The following NFATC1 variants were observed in gnomAD, a reference collection of about 807,000 sequenced individuals.
NFATC1 encodes nuclear factor of activated T cells 1.
NFATC1 carries 22 observed loss-of-function variants against 76.0 expected under a neutral mutation model. The ratio of observed to expected loss-of-function variants is 0.29; its 90% confidence interval spans 0.21 to 0.41. NFATC1 has a LOEUF of 0.41. NFATC1 is among the 10% of genes least tolerant of loss of function. The pLI is 1.00. For missense variants in NFATC1, 1,357 were observed against 1,337.7 expected, an observed-to-expected ratio of 1.01 and a Z score of -0.23; for synonymous variants, 704 against 613.1, an observed-to-expected ratio of 1.15 and a Z score of -2.19.
chr18:79,451,416 G>A (rs544237197), intron 5 of NFATC1, among the ~76,000 whole-genome samples: 3 of 152,384 alleles, frequency 2.0e-5, no homozygotes, highest in East Asian at 3.9e-4. Context: ...GTATTTGTGC[G>A]ATGACTGTGA....
At chr18:79,425,452 G>A (rs1039705453) in intron 2 of NFATC1, among the ~76,000 whole-genome samples, 8 of 152,200 alleles carry the variant, frequency 5.3e-5, no homozygotes, top group Non-Finnish European at 1.5e-5. Flanking sequence ...TGGCCCTGCC[G>A]AGTTCAGAGT....
At chr18:79,433,476 G>A (rs1021765573) in intron 2 of NFATC1, 103 bp from the exon 3 acceptor site, 62 of 1,373,296 alleles carry the variant, frequency 4.5e-5, no homozygotes, top group Non-Finnish European at 5.8e-5. Context: ...TGCACTCGCC[G>A]ATGAAGTGTC....
intron 7 of NFATC1, among the ~76,000 whole-genome samples, chr18:79,463,384 C>T (rs762302919): frequency 6.6e-5 from 10 of 152,260 alleles, no homozygotes; most frequent in South Asian, 4.1e-4. Flanking sequence ...GTCCTGGGAA[C>T]GGCCAGCCAC....
At chr18:79,409,097 TCATC>T (rs1288139115) in intron 1 of NFATC1, among the ~76,000 whole-genome samples, 1 of 89,554 alleles carries the variant, frequency 1.1e-5, no homozygotes, top group African/African-American at 3.0e-5. Flanking sequence ...CCATCCATCA[TCATC>T]CATCCATCCA....
rs2090805464 is a variant in NFATC1 at position 79,527,646 on chromosome 18, TA to T, written c.*72del. 1 of 1,394,808 alleles carries T rather than the reference TA, an allele frequency of 7.2e-7. No individual in the cohort carries two copies. The highest frequency in any genetic ancestry group is 1.2e-5 in the South Asian group (1 of 86,064). The allele number at this position is 1,394,808 out of a possible 1,614,324, so 86.4% of individuals were successfully genotyped here. A position where few individuals can be genotyped will look rare whatever the true frequency, so the allele number is the denominator to read the frequency against. On this transcript the variant is annotated 3_prime_UTR_variant, in exon 10 of 10. Coordinates refer to ENST00000427363, the MANE Select transcript of NFATC1 (RefSeq NM_001278669.2). ...CAGCAGACAAAGACTTTTGAATAAATAAACTGAACTCACACCTGGTACCACT... is the reference window on the plus strand; with the variant it reads ...CAGCAGACAAAGACTTTTGAATAAATAACTGAACTCACACCTGGTACCACT...
At chr18:79,433,459 C>A in intron 2 of NFATC1, 120 bp from the exon 3 acceptor site, 2 of 1,185,712 alleles carry the variant, frequency 1.7e-6, no homozygotes, top group South Asian at 1.3e-5. Flanking sequence ...ATCTCCATGT[C>A]AGGACGTGCA....
At chr18:79,479,551 T>C (rs957546493) in intron 8 of NFATC1, among the ~76,000 whole-genome samples, 1 of 152,256 alleles carries the variant, frequency 6.6e-6, no homozygotes, top group African/African-American at 2.4e-5. Context: ...GTGTTTAAGC[T>C]TCTTAGATGC....
chr18:79,489,499 G>GT (rs2089614533), intron 9 of NFATC1, among the ~76,000 whole-genome samples: 1 of 152,216 alleles, frequency 6.6e-6, no homozygotes, highest in African/African-American at 2.4e-5. Flanking sequence ...TTTTAAGAAA[G>GT]TTTGTTTCCC....
At chr18:79,520,720 G>T (rs1168260561) in intron 9 of NFATC1, among the ~76,000 whole-genome samples, 1 of 74,098 alleles carries the variant, frequency 1.3e-5, no homozygotes, top group Non-Finnish European at 2.6e-5. Context: ...TGTGTGGGGG[G>T]GGGGCATCCA....
At chr18:79,426,316 A>C (rs2086330809) in intron 2 of NFATC1, among the ~76,000 whole-genome samples, 1 of 147,958 alleles carries the variant, frequency 6.8e-6, no homozygotes, top group African/African-American at 2.5e-5. Context: ...AAAATCCCTC[A>C]CGCCCTTCCC....
chr18:79,511,748 G>GA (rs2090259524), intron 9 of NFATC1, among the ~76,000 whole-genome samples: 1 of 152,104 alleles, frequency 6.6e-6, no homozygotes, highest in Admixed American at 6.5e-5. Context: ...GAGGCTCTCA[G>GA]TGGGGGGCCA....
chr18:79,514,682 A>G (rs557411879), intron 9 of NFATC1, among the ~76,000 whole-genome samples: 9 of 151,952 alleles, frequency 5.9e-5, no homozygotes, highest in Non-Finnish European at 1.2e-4. Flanking sequence ...CCACAGTGCA[A>G]CTTTCACACC....
At chr18:79,481,754 A>ATG (rs2089278702) in intron 8 of NFATC1, among the ~76,000 whole-genome samples, 1 of 150,652 alleles carries the variant, frequency 6.6e-6, no homozygotes, top group African/African-American at 2.5e-5. Context: ...ACTGAATGTG[A>ATG]CGTCTGGGGT....
chr18:79,410,660 T>C lies in NFATC1; in HGVS notation c.385T>C (p.Tyr129His). ...CGAGATAACCTCGTGCTTGGGCCTGTACCACAACAATAACCAGTTTTTCCA... is the reference window on the plus strand; with the variant it reads ...CGAGATAACCTCGTGCTTGGGCCTGCACCACAACAATAACCAGTTTTTCCA... ...RIEITSCLGL[Y>H]HNNNQFFHDV... Residue 129 changes from tyrosine (Y) to histidine (H), a missense_variant, in exon 2 of 10, where the codon TAC becomes CAC. Tyr to His is a moderately conservative substitution (Grantham distance 83, BLOSUM62 2). Transcript: ENST00000427363. This position sits in a 1 kb window ranked among gnomAD's most constrained non-coding sequence, Gnocchi z 6.7. 1 of 1,613,212 alleles carries C rather than the reference T, an allele frequency of 6.2e-7. No individual in the cohort carries two copies. The highest frequency in any genetic ancestry group is 8.5e-7 in the Non-Finnish European group (1 of 1,180,022).
chr18:79,402,286 T>C, intron 1 of NFATC1: 2 of 975,254 alleles, frequency 2.1e-6, no homozygotes, highest in South Asian at 9.5e-5. Flanking sequence ...TACACCATTT[T>C]GAGGTGGGCG....
chr18:79,513,878 C>T (rs2145185110), intron 9 of NFATC1, among the ~76,000 whole-genome samples: 1 of 152,304 alleles, frequency 6.6e-6, no homozygotes, highest in East Asian at 1.9e-4. Context: ...CCAGGACGGG[C>T]CACTGTGGAG....
At chr18:79,490,925 C>G (rs79447992) in intron 9 of NFATC1, among the ~76,000 whole-genome samples, 10,405 of 152,176 alleles carry the variant, frequency 0.068, 501 homozygotes, top group Admixed American at 0.1. Context: ...GAAAGCCTCA[C>G]GCAGGCTGAA....
chr18:79,436,741 G>A (rs2086792499), intron 3 of NFATC1, among the ~76,000 whole-genome samples: 2 of 151,872 alleles, frequency 1.3e-5, no homozygotes, highest in South Asian at 2.1e-4. Flanking sequence ...GAGGGGGTCC[G>A]GCATCCGGGT....
intron 9 of NFATC1, among the ~76,000 whole-genome samples, chr18:79,494,050 G>C (rs1156435727): frequency 1.3e-5 from 2 of 152,228 alleles, no homozygotes; most frequent in Admixed American, 6.5e-5. Context: ...CCCGAGGTGA[G>C]GCGGCCACCA....
Sources: gnomAD v4.1 joint callset for allele counts (sites outside exome capture counted in the v4.1 genomes callset) on GRCh38, gnomAD v4.1.1 for gene constraint, Gnocchi (gnomAD v3.1) non-coding constraint, MANE v1.5 for transcripts, NCBI Gene and HGNC (gene_info 2026-07-23, HGNC 2026-07-21) for gene names.